The following KCNG3 variants were observed in gnomAD, a reference collection of about 807,000 sequenced individuals.
KCNG3 encodes potassium voltage-gated channel modifier subfamily G member 3, also known as voltage-gated potassium channel regulatory subunit KCNG3.
KCNG3 carries 15 observed loss-of-function variants against 29.0 expected under a neutral mutation model. The ratio of observed to expected loss-of-function variants is 0.52; its 90% CI spans 0.35 to 0.80. The LOEUF is 0.80. Ranked by LOEUF, KCNG3 falls within the 30% of genes least tolerant of loss-of-function variation. The pLI is 0.01. For synonymous variants in KCNG3, 322 were observed against 248.9 expected (o/e 1.29, Z -2.76); for missense variants, 512 against 605.7 (o/e 0.85, Z 1.62).
intron 1 of KCNG3, among the ~76,000 whole-genome samples, chr2:42,487,683 T>C (rs186721674): frequency 5.3e-5 from 8 of 152,186 alleles, no homozygotes; most frequent in Non-Finnish European, 1.0e-4. Context: ...TACAGTACAA[T>C]CTTTTTGGAG....
At chr2:42,483,625 G>A (rs180719272) in intron 1 of KCNG3, among the ~76,000 whole-genome samples, 2 of 152,022 alleles carry the variant, frequency 1.3e-5, no homozygotes, top group Non-Finnish European at 2.9e-5. Flanking sequence ...AGACTTAGAC[G>A]ACAAAACACA....
At chr2:42,451,283 A>T (rs1558375629) in intron 1 of KCNG3, among the ~76,000 whole-genome samples, 2 of 150,408 alleles carry the variant, frequency 1.3e-5, no homozygotes, top group African/African-American at 4.9e-5. Context: ...TTAGAATAGC[A>T]TTTTTTTGTG....
At chr2:42,392,644 T>C in the KCNG3 span, among the ~76,000 whole-genome samples, 2 of 152,082 alleles carry the variant, frequency 1.3e-5, no homozygotes, top group Non-Finnish European at 2.9e-5. Flanking sequence ...TCTCCCTGAC[T>C]GACTAAAATT....
At chr2:42,466,753 C>CCTTTTTT (rs1553329191) in intron 1 of KCNG3, among the ~76,000 whole-genome samples, 5 of 134,270 alleles carry the variant, frequency 3.7e-5, no homozygotes, top group African/African-American at 2.7e-5. Context: ...AATACTCTTC[C>CCTTTTTT]TTTTTTTTTT....
the KCNG3 span, among the ~76,000 whole-genome samples, chr2:42,415,997 C>T: frequency 6.6e-6 from 1 of 152,034 alleles, no homozygotes; most frequent in East Asian, 1.9e-4. Flanking sequence ...GAGTTCGAGG[C>T]TAGGCTGGCC....
chr2:42,403,544 A>G, the KCNG3 span, among the ~76,000 whole-genome samples: 174 of 147,140 alleles, frequency 1.2e-3, no homozygotes, highest in African/African-American at 4.3e-3. Flanking sequence ...CAGTGGCACA[A>G]TCTCAGCTCA....
At chr2:42,404,818 T>C in the KCNG3 span, among the ~76,000 whole-genome samples, 1 of 152,112 alleles carries the variant, frequency 6.6e-6, no homozygotes, top group African/African-American at 2.4e-5. Flanking sequence ...TACACGGCAA[T>C]GATTGCAATC....
At chr2:42,460,562 G>T (rs1672989735) in intron 1 of KCNG3, among the ~76,000 whole-genome samples, 1 of 152,154 alleles carries the variant, frequency 6.6e-6, no homozygotes, top group Non-Finnish European at 1.5e-5. Context: ...AAGAAGATAA[G>T]TTTTTCTTCA....
At position 42,454,374 on chromosome 2, in the gene KCNG3, A is replaced by G. The variant is rs1039691352; in HGVS notation, c.666-9795T>C. Among the ~76,000 whole-genome samples, 11 of 152,350 alleles carry G rather than the reference A, an allele frequency of 7.2e-5. No homozygotes were observed. The East Asian group carries it at 1.5e-3, about 21-fold the overall frequency. On this transcript the variant is annotated intron_variant, in intron 1 of 1. Coordinates refer to ENST00000306078, the MANE Select transcript of KCNG3 (RefSeq NM_133329.6). ...GAAGCAACCTTAATGTCCACTGACA[A>G]AAGAATAAATAAAGAATCTATTTGG... is the stretch of plus-strand genomic sequence containing the variant.
At chr2:42,428,006 C>T in the KCNG3 span, among the ~76,000 whole-genome samples, 1 of 152,136 alleles carries the variant, frequency 6.6e-6, no homozygotes, top group Non-Finnish European at 1.5e-5. Flanking sequence ...CAGATTTATG[C>T]TCTAGTCCAA....
chr2:42,477,601 G>A (rs1211068605), intron 1 of KCNG3, among the ~76,000 whole-genome samples: 1 of 151,622 alleles, frequency 6.6e-6, no homozygotes, highest in African/African-American at 2.4e-5. Context: ...TGTCGGGGTC[G>A]GACATGGTGG....
chr2:42,398,763 A>G, the KCNG3 span, among the ~76,000 whole-genome samples: 1 of 152,152 alleles, frequency 6.6e-6, no homozygotes, highest in African/African-American at 2.4e-5. Flanking sequence ...GAACTCAGGG[A>G]TAAGAGGACA....
At chr2:42,429,802 C>A in the KCNG3 span, among the ~76,000 whole-genome samples, 1 of 152,122 alleles carries the variant, frequency 6.6e-6, no homozygotes, top group Non-Finnish European at 1.5e-5. Flanking sequence ...AGAGAATCAA[C>A]CAGTGGACCT....
chr2:42,410,765 GTT>G, the KCNG3 span, among the ~76,000 whole-genome samples: 1 of 151,986 alleles, frequency 6.6e-6, no homozygotes. Context: ...GTTCCAAGTT[GTT>G]TTTCTTTTTC....
chr2:42,482,357 T>C (rs755860259), intron 1 of KCNG3, among the ~76,000 whole-genome samples: 2 of 152,114 alleles, frequency 1.3e-5, no homozygotes, highest in Non-Finnish European at 1.5e-5. Flanking sequence ...GGCAGGAGAA[T>C]TGCTTGAGGC....
At chr2:42,407,542 A>T in the KCNG3 span, among the ~76,000 whole-genome samples, 1 of 152,016 alleles carries the variant, frequency 6.6e-6, no homozygotes, top group African/African-American at 2.4e-5. Flanking sequence ...ACCTCTTCTG[A>T]ATTGGTGGGG....
intron 1 of KCNG3, among the ~76,000 whole-genome samples, chr2:42,468,728 G>A (rs1572854385): frequency 6.6e-6 from 1 of 151,540 alleles, no homozygotes; most frequent in East Asian, 2.0e-4. Context: ...GATGAGGCAA[G>A]TGGATCACGA....
chr2:42,491,005 T>C (rs532400608), intron 1 of KCNG3, among the ~76,000 whole-genome samples: 2 of 152,182 alleles, frequency 1.3e-5, no homozygotes, highest in South Asian at 4.1e-4. Flanking sequence ...ACTCAGACAG[T>C]GAAGCTAAAA....
In KCNG3 at chr2:42,488,841, C is replaced by G. The variant is rs147645838; in HGVS notation, c.665+3996G>C. Among the ~76,000 whole-genome samples the G allele has an allele frequency of 4.1e-3, 622 of 152,042 alleles. 4 individuals carry two copies. Among genetic ancestry groups the G allele is most frequent in the African/African-American group, 0.014 (590 of 41,502 alleles). The stretch of plus-strand genomic sequence containing the variant: ...CTGGAATTACAGGCGTGAGCCACCA[C>G]GCCTGGCCCCAAACAGCATTTTAAA... On this transcript the variant is annotated intron_variant, in intron 1 of 1. Coordinates refer to ENST00000306078, the MANE Select transcript of KCNG3 (RefSeq NM_133329.6).
Sources: gnomAD v4.1 joint callset for allele counts (sites outside exome capture counted in the v4.1 genomes callset) on GRCh38, gnomAD v4.1.1 for gene constraint, MANE v1.5 for transcripts, NCBI Gene and HGNC (gene_info 2026-07-23, HGNC 2026-07-21) for gene names.